Variants in YIPF1 observed in about 807,000 individuals in gnomAD.
YIPF1 encodes protein YIPF1.
A neutral mutation model predicts 37.0 loss-of-function variants in YIPF1; 22 were observed. That is an observed-to-expected ratio of 0.59 (90% CI 0.42 to 0.85). The LOEUF is 0.85. Among genes scored for constraint, YIPF1 ranks in the 40% least tolerant of loss-of-function variants. The pLI is 0.00. For synonymous variants in YIPF1, 128 were observed against 131.9 expected (o/e 0.97, Z 0.21); for missense variants, 355 against 373.1 (o/e 0.95, Z 0.40).
At chr1:53,856,119 G>T (rs906055445) in intron 10 of YIPF1, among the ~76,000 whole-genome samples, 4 of 152,202 alleles carry the variant, frequency 2.6e-5, no homozygotes, top group African/African-American at 9.7e-5. Flanking sequence ...TGATGCTTCT[G>T]CCAGGGAGGC....
intron 6 of YIPF1, among the ~76,000 whole-genome samples, chr1:53,874,718 G>C (rs946133520): frequency 2.0e-5 from 3 of 152,162 alleles, no homozygotes; most frequent in Non-Finnish European, 2.9e-5. Context: ...AGTGAGCCGA[G>C]ATTGCGCCTT....
At chr1:53,867,803 A>G (rs891755120) in intron 7 of YIPF1, among the ~76,000 whole-genome samples, 1 of 152,188 alleles carries the variant, frequency 6.6e-6, no homozygotes, top group South Asian at 2.1e-4. Flanking sequence ...CTCCAGTTAT[A>G]CTTTCTTCCT....
In YIPF1 at chr1:53,883,158, T is replaced by G. The variant is rs1381513965; in HGVS notation, c.150A>C (p.Glu50Asp). 2.4e-5 allele frequency: 39 copies of G among 1,601,818 alleles called. No individual in the cohort carries two copies. The highest frequency in any genetic ancestry group is 3.2e-5 in the Non-Finnish European group (38 of 1,175,292). The change falls in exon 4 of 11, where the codon GAA (glutamate) becomes GAC (aspartate). Residue 50 changes from glutamate (E) to aspartate (D), a missense_variant. By Grantham distance (45) the Glu-to-Asp change is conservative (BLOSUM62 2). Coordinates refer to ENST00000072644, the MANE Select transcript of YIPF1 (RefSeq NM_018982.5). ...QPGSPRGSGR[E>D]EDDELLGNDD... ...CATTTCCCAGTAACTCATCATCTTC[T>G]TCTCTTCCTGAGCCTCTTGGGGATC...
intron 7 of YIPF1, among the ~76,000 whole-genome samples, chr1:53,869,994 T>A (rs1187140644): frequency 6.7e-6 from 1 of 149,542 alleles, no homozygotes; most frequent in East Asian, 2.0e-4. Flanking sequence ...TGCCTCAGCC[T>A]CCTGATTACA....
Position 53,871,697 on chromosome 1 carries a change from G to C in YIPF1, c.365-209C>G, listed in dbSNP as rs116606797. Reference sequence around the variant, plus strand: ...GCTGCCTTAAAGAAGGTGGGGTGTTGGTACTCCAATCCAAAGGCCAAAACG... The same window carrying C: ...GCTGCCTTAAAGAAGGTGGGGTGTTCGTACTCCAATCCAAAGGCCAAAACG... On this transcript the variant is annotated intron_variant, in intron 6 of 10. Transcript: ENST00000072644. 1.6e-3 allele frequency among the ~76,000 whole-genome samples: 251 copies of C among 152,138 alleles called. 1 individual carries two copies. Among genetic ancestry groups the C allele is most frequent in the African/African-American group, 5.6e-3 (231 of 41,508 alleles).
At chr1:53,871,321 C>T in intron 7 of YIPF1, 51 bp downstream of exon 7, 1 of 1,556,048 alleles carries the variant, frequency 6.4e-7, no homozygotes, top group South Asian at 1.1e-5. Context: ...GTAAAAAGAA[C>T]TCAAAGCTAG....
chr1:53,859,486 A>C (rs1297788599), intron 10 of YIPF1, among the ~76,000 whole-genome samples: 1 of 152,146 alleles, frequency 6.6e-6, no homozygotes, highest in Admixed American at 6.5e-5. Flanking sequence ...CAGCATGGTG[A>C]AACCCCATCT....
chr1:53,873,080 A>G (rs1357122700), intron 6 of YIPF1, among the ~76,000 whole-genome samples: 5 of 152,220 alleles, frequency 3.3e-5, no homozygotes, highest in South Asian at 4.1e-4. Context: ...CCAAATAACT[A>G]GAAAACCAAG....
intron 6 of YIPF1, among the ~76,000 whole-genome samples, chr1:53,873,962 GA>G (rs1357528058): frequency 6.6e-6 from 1 of 152,184 alleles, no homozygotes; most frequent in East Asian, 1.9e-4. Flanking sequence ...AACAGCTGGA[GA>G]AACAATATTT....
chr1:53,887,834 G>A (rs1024974306), intron 3 of YIPF1, among the ~76,000 whole-genome samples: 10 of 152,038 alleles, frequency 6.6e-5, no homozygotes, highest in Non-Finnish European at 1.3e-4. Flanking sequence ...ATAAAACAGG[G>A]GAATAAAGTA....
intron 4 of YIPF1, among the ~76,000 whole-genome samples, chr1:53,879,017 C>T (rs2316992): frequency 0.43 from 64,763 of 151,808 alleles, 14,500 homozygotes; most frequent in East Asian, 0.57. Flanking sequence ...CTAGATTCAA[C>T]AGTATATAGA....
At chr1:53,853,561 T>A (rs1483511484) in intron 10 of YIPF1, among the ~76,000 whole-genome samples, 1 of 152,194 alleles carries the variant, frequency 6.6e-6, no homozygotes, top group Non-Finnish European at 1.5e-5. Flanking sequence ...CTTGGGAGAA[T>A]GAGCTAGGCC....
At position 53,878,337 on chromosome 1, in the gene YIPF1, G is replaced by T. The variant is rs761533826; in HGVS notation, c.342C>A (p.Ile114=). ...TACCATAGAGATCTGGATTGCTGCG[G>T]ATATATAACCTCACAAAGTTTTTCC... is the stretch of plus-strand genomic sequence containing the variant. ...IPGKNFVRLY[I]RSNPDLYGPF... The change falls in exon 6 of 11, where the codon ATC becomes ATA. Residue 114 remains isoleucine (I), a synonymous_variant. Coordinates refer to ENST00000072644, the MANE Select transcript of YIPF1 (RefSeq NM_018982.5). The T allele has an allele frequency of 1.7e-5, 28 of 1,613,940 alleles. 1 individual carries two copies. The East Asian group carries it at 5.8e-4, about 33-fold the overall frequency.
chr1:53,862,422 C>T (rs1373870251), intron 9 of YIPF1, among the ~76,000 whole-genome samples: 2 of 152,176 alleles, frequency 1.3e-5, no homozygotes, highest in Non-Finnish European at 2.9e-5. Flanking sequence ...GGGTAGGGCA[C>T]AGCTCCCTGT....
intron 6 of YIPF1, among the ~76,000 whole-genome samples, chr1:53,872,044 C>T (rs1650206910): frequency 7.2e-6 from 1 of 138,108 alleles, no homozygotes; most frequent in Non-Finnish European, 1.6e-5. Context: ...AAGGCTTTTT[C>T]TTTTTTTTTT....
At chr1:53,865,926 A>G (rs1402472119) in intron 9 of YIPF1, among the ~76,000 whole-genome samples, 12 of 151,980 alleles carry the variant, frequency 7.9e-5, no homozygotes. Context: ...GCTACTTGCG[A>G]TGCTGAGGTG....
intron 4 of YIPF1, among the ~76,000 whole-genome samples, chr1:53,880,166 T>C (rs1650451260): frequency 6.6e-6 from 1 of 152,074 alleles, no homozygotes; most frequent in African/African-American, 2.4e-5. Flanking sequence ...AACCCCATCA[T>C]CTCAGCCCAA....
rs148916622 is a variant in YIPF1, at chr1:53,865,208, A to C, written c.831+992T>G. Reference sequence around the variant, plus strand: ...AACTTTAAACTTTCTACCTTTAAATAAAACTTTAAATTTCAAAAATCTTTC... The same window carrying C: ...AACTTTAAACTTTCTACCTTTAAATCAAACTTTAAATTTCAAAAATCTTTC... On this transcript the variant is annotated intron_variant, in intron 9 of 10. Transcript: ENST00000072644. Among the ~76,000 whole-genome samples the C allele has an allele frequency of 7.1e-3, 1,081 of 152,286 alleles. 11 individuals are homozygous for C. Among genetic ancestry groups the C allele is most frequent in the African/African-American group, 0.024 (1,005 of 41,542 alleles).
chr1:53,884,957 G>A (rs983431319), intron 3 of YIPF1, among the ~76,000 whole-genome samples: 2 of 152,212 alleles, frequency 1.3e-5, no homozygotes, highest in African/African-American at 4.8e-5. Context: ...GAACACTAAA[G>A]TGACTGAAAT....
Sources: gnomAD v4.1 joint callset for allele counts (sites outside exome capture counted in the v4.1 genomes callset) on GRCh38, gnomAD v4.1.1 for gene constraint, MANE v1.5 for transcripts, NCBI Gene and HGNC (gene_info 2026-07-23, HGNC 2026-07-21) for gene names.